Variants in CTNND2 observed in about 807,000 individuals in gnomAD.
CTNND2 encodes the protein catenin delta-2.
CTNND2 carries 22 observed loss-of-function variants against 144.4 expected under a neutral mutation model. The ratio of observed to expected loss-of-function variants is 0.15; its 90% CI spans 0.11 to 0.22. The LOEUF is 0.22. Ranked by LOEUF, CTNND2 falls within the 10% of genes least tolerant of loss-of-function variation. CTNND2 has a pLI of 1.00. For synonymous variants in CTNND2, 751 were observed against 695.6 expected, an observed-to-expected ratio of 1.08 and a Z score of -1.25; for missense variants, 1,353 against 1,618.8, an observed-to-expected ratio of 0.84 and a Z score of 2.82.
chr5:10,977,326 G>A (rs1355136909), intron 21 of CTNND2, among the ~76,000 whole-genome samples: 1 of 152,176 alleles, frequency 6.6e-6, no homozygotes, highest in Admixed American at 6.5e-5. Context: ...AAAGCTCTTT[G>A]TTTCTAGTTC....
intron 2 of CTNND2, among the ~76,000 whole-genome samples, chr5:11,666,480 T>A (rs975844429): frequency 6.6e-6 from 1 of 152,214 alleles, no homozygotes; most frequent in Non-Finnish European, 1.5e-5. Flanking sequence ...ATTGTTTCAA[T>A]AGTCACATTA....
chr5:11,255,213 T>C (rs1394406488), intron 9 of CTNND2, among the ~76,000 whole-genome samples: 1 of 152,218 alleles, frequency 6.6e-6, no homozygotes, highest in African/African-American at 2.4e-5. Context: ...GAAAAAGGAC[T>C]GAATTAACAA....
At chr5:11,129,303 T>A (rs1222676871) in intron 12 of CTNND2, among the ~76,000 whole-genome samples, 7 of 11,166 alleles carry the variant, frequency 6.3e-4, no homozygotes, top group African/African-American at 1.5e-3. Flanking sequence ...TAATATATAT[T>A]ATATATATAA....
chr5:11,382,605 G>A (rs796471338), intron 7 of CTNND2, among the ~76,000 whole-genome samples: 31,804 of 137,642 alleles, frequency 0.23, 3,801 homozygotes, highest in Admixed American at 0.3. Context: ...CTGTGTGTGT[G>A]TGTGTGTGTG....
In CTNND2 at chr5:11,024,630, A is replaced by C. The variant is rs150588402; in HGVS notation, c.2789-1651T>G. Among the ~76,000 whole-genome samples the C allele has an allele frequency of 3.5e-4, 53 of 152,322 alleles. 1 individual carries two copies. The highest frequency in any genetic ancestry group is 1.3e-3 in the African/African-American group (53 of 41,568). On this transcript the variant is annotated intron_variant, in intron 16 of 21. Transcript: ENST00000304623. ...TGAAAAAATACTCCAGTCATTGTATATACGGGGACATTTACACCCTTGACT... is the reference window on the plus strand; with the variant it reads ...TGAAAAAATACTCCAGTCATTGTATCTACGGGGACATTTACACCCTTGACT...
At chr5:11,382,516 T>G (rs1056035219) in intron 7 of CTNND2, among the ~76,000 whole-genome samples, 15 of 151,666 alleles carry the variant, frequency 9.9e-5, no homozygotes, top group African/African-American at 3.4e-4. Context: ...GAGAATCACT[T>G]GAATCCAGGA....
At chr5:11,427,528 C>A (rs1267873084) in intron 3 of CTNND2, among the ~76,000 whole-genome samples, 1 of 152,068 alleles carries the variant, frequency 6.6e-6, no homozygotes, top group African/African-American at 2.4e-5. Flanking sequence ...AATCCACCTG[C>A]CTCAGCCTCT....
At chr5:11,490,315 G>A (rs964627731) in intron 3 of CTNND2, among the ~76,000 whole-genome samples, 1 of 152,178 alleles carries the variant, frequency 6.6e-6, no homozygotes, top group African/African-American at 2.4e-5. Flanking sequence ...TGAGATGTAT[G>A]CTGAGCTTTA....
At chr5:11,042,057 C>G (rs150596227) in intron 16 of CTNND2, among the ~76,000 whole-genome samples, 2,600 of 152,258 alleles carry the variant, frequency 0.017, 50 homozygotes, top group Admixed American at 0.043. Context: ...AGAAACTTAT[C>G]AGAATAGAGA....
intron 2 of CTNND2, among the ~76,000 whole-genome samples, chr5:11,698,172 A>C (rs757269440): frequency 6.6e-6 from 1 of 152,160 alleles, no homozygotes; most frequent in African/African-American, 2.4e-5. Flanking sequence ...GATGTAGCCC[A>C]TTTCAGAAAC....
intron 1 of CTNND2, among the ~76,000 whole-genome samples, chr5:11,887,341 C>A (rs1473995497): frequency 6.6e-6 from 1 of 151,912 alleles, no homozygotes; most frequent in Non-Finnish European, 1.5e-5. Flanking sequence ...CTCACCTTTG[C>A]CAAAAATCCA....
At chr5:11,210,743 A>G (rs1368420621) in intron 10 of CTNND2, among the ~76,000 whole-genome samples, 1 of 152,234 alleles carries the variant, frequency 6.6e-6, no homozygotes, top group African/African-American at 2.4e-5. Context: ...GAATGTGATT[A>G]TAAGAGGCCC....
At chr5:11,447,335 C>T (rs1236291704) in intron 3 of CTNND2, among the ~76,000 whole-genome samples, 2 of 149,148 alleles carry the variant, frequency 1.3e-5, no homozygotes, top group Non-Finnish European at 3.0e-5. Context: ...GAGGGAGATG[C>T]CGTTTACAAA....
At chr5:11,585,731 A>G (rs1778805088) in intron 2 of CTNND2, among the ~76,000 whole-genome samples, 1 of 152,150 alleles carries the variant, frequency 6.6e-6, no homozygotes, top group Non-Finnish European at 1.5e-5. Context: ...AAATAAGACG[A>G]TGGGGAGACA....
intron 2 of CTNND2, among the ~76,000 whole-genome samples, chr5:11,578,247 TA>T (rs1778116285): frequency 6.6e-6 from 1 of 152,342 alleles, no homozygotes; most frequent in South Asian, 2.1e-4. Flanking sequence ...AATTGTACCC[TA>T]ACGTAATAGC....
chr5:11,074,510 C>T lies in CTNND2; in HGVS notation c.2788+8186G>A, dbSNP rs61750304. ...CAGCTGCAGGGATCTGTTCATTCCC[C>T]AGTTCATGCTCTCATCATTGAGGGT... On this transcript the variant is annotated intron_variant, in intron 16 of 21. Transcript: ENST00000304623. 3.9e-3 allele frequency among the ~76,000 whole-genome samples: 595 copies of T among 152,290 alleles called. 4 individuals are homozygous for T. The highest frequency in any genetic ancestry group is 0.012 in the African/African-American group (501 of 41,550).
chr5:11,783,532 T>C (rs1372192977), intron 1 of CTNND2, among the ~76,000 whole-genome samples: 2 of 152,068 alleles, frequency 1.3e-5, no homozygotes, highest in South Asian at 2.1e-4. Context: ...CATTCTCCAA[T>C]GTCCACTAGA....
chr5:11,462,553 T>A (rs1766312230), intron 3 of CTNND2, among the ~76,000 whole-genome samples: 1 of 151,738 alleles, frequency 6.6e-6, no homozygotes, highest in African/African-American at 2.4e-5. Flanking sequence ...ATTCTATTTT[T>A]TTTTTCCCCA....
chr5:11,229,625 C>A (rs926981839), intron 10 of CTNND2, among the ~76,000 whole-genome samples: 2 of 151,206 alleles, frequency 1.3e-5, no homozygotes, highest in African/African-American at 4.9e-5. Flanking sequence ...ATACATATTA[C>A]CTTGAATGCA....
Sources: gnomAD v4.1 joint callset for allele counts (sites outside exome capture counted in the v4.1 genomes callset) on GRCh38, gnomAD v4.1.1 for gene constraint, MANE v1.5 for transcripts, NCBI Gene and HGNC (gene_info 2026-07-23, HGNC 2026-07-21) for gene names.